PPP2R2B: variants seen among roughly 807,000 people sequenced by gnomAD.
PPP2R2B encodes the protein protein phosphatase 2 regulatory subunit Bbeta.
Under a neutral mutation model 46.0 loss-of-function variants are expected in PPP2R2B, and 5 were observed. The observed-to-expected ratio is 0.11, with a 90% CI of 0.06 to 0.23. The LOEUF is 0.23. Among genes scored for constraint, PPP2R2B ranks in the 10% least tolerant of loss-of-function variants. The probability of loss-of-function intolerance (pLI) is 1.00; values close to 1 mark genes in which losing one functional copy is unlikely to be tolerated. For synonymous variants in PPP2R2B, 215 were observed against 206.7 expected (o/e 1.04, Z -0.34); for missense variants, 367 against 575.0 (o/e 0.64, Z 3.70).
At chr5:146,928,077 G>A (rs781705642) in intron 1 of PPP2R2B, among the ~76,000 whole-genome samples, 4 of 152,038 alleles carry the variant, frequency 2.6e-5, no homozygotes, top group Non-Finnish European at 5.9e-5. Context: ...ATAATTCATC[G>A]CACTATCTGC....
chr5:146,684,976 T>G (rs1403138359), intron 5 of PPP2R2B, among the ~76,000 whole-genome samples: 2 of 152,206 alleles, frequency 1.3e-5, no homozygotes, highest in Non-Finnish European at 2.9e-5. Context: ...TGAATTCATT[T>G]TATGTTTCAG....
chr5:146,894,009 A>G (rs1561500962), intron 1 of PPP2R2B, among the ~76,000 whole-genome samples: 1 of 152,042 alleles, frequency 6.6e-6, no homozygotes, highest in Non-Finnish European at 1.5e-5. Context: ...TTGCGCTGCT[A>G]CACTCCAGCC....
chr5:147,054,770 C>T (rs1756994635), intron 1 of PPP2R2B: 3 of 446,334 alleles, frequency 6.7e-6, no homozygotes, highest in African/African-American at 2.0e-5. Flanking sequence ...CATCCTCAAC[C>T]CTTTTCAATC....
chr5:146,638,273 G>C lies in PPP2R2B; in HGVS notation c.768C>G (p.Ala256=). The C allele has an allele frequency of 6.2e-7, 1 of 1,613,910 alleles. No homozygotes were observed. The highest frequency in any genetic ancestry group is 1.1e-5 in the South Asian group (1 of 91,050). Residue 256 remains alanine, a synonymous_variant, in exon 7 of 10, where the codon GCC becomes GCG. Coordinates refer to ENST00000394411, the MANE Select transcript of PPP2R2B (RefSeq NM_181675.4). The part of the protein sequence containing the change: ...TIRLCDMRAS[A]LCDRHTKFFE... ...CACATTTGGTGTGCCTGTCACACAG[G>C]GCAGATGCCCGCATGTCACACAGCC...
intron 2 of PPP2R2B, among the ~76,000 whole-genome samples, chr5:146,834,037 A>G (rs1759124684): frequency 6.6e-6 from 1 of 152,170 alleles, no homozygotes; most frequent in Non-Finnish European, 1.5e-5. Context: ...TGCTTCTCCA[A>G]TTACATTAAA....
intron 7 of PPP2R2B, among the ~76,000 whole-genome samples, chr5:146,628,233 C>T (rs1024476057): frequency 1.3e-5 from 2 of 152,196 alleles, no homozygotes; most frequent in South Asian, 2.1e-4. Flanking sequence ...GTGTAAGCCA[C>T]TGCACCTGGC....
chr5:146,788,708 G>T (rs779427610), intron 2 of PPP2R2B, among the ~76,000 whole-genome samples: 14 of 152,190 alleles, frequency 9.2e-5, no homozygotes, highest in Non-Finnish European at 2.1e-4. Flanking sequence ...ATTTCAGCCT[G>T]GGTGACAGAG....
At chr5:146,879,103 A>G (rs1281203302), upstream of PPP2R2B, 1 of 201,780 alleles carries the variant, frequency 5.0e-6, no homozygotes, top group East Asian at 1.4e-4. Context: ...GATAGTCAGG[A>G]AGTCTACATC....
intron 8 of PPP2R2B, 130 bp downstream of exon 8, chr5:146,600,161 C>A: frequency 1.0e-6 from 1 of 955,170 alleles, no homozygotes; most frequent in Non-Finnish European, 1.6e-6. Flanking sequence ...TAGCCTGTAC[C>A]ATTTTACTGA....
chr5:146,839,275 C>A (rs969155210), intron 2 of PPP2R2B, among the ~76,000 whole-genome samples: 1 of 152,198 alleles, frequency 6.6e-6, no homozygotes, highest in African/African-American at 2.4e-5. Flanking sequence ...AACCCCAGCA[C>A]TTACGGAGGC....
chr5:146,923,914 G>T (rs181413596), intron 1 of PPP2R2B, among the ~76,000 whole-genome samples: 164 of 152,244 alleles, frequency 1.1e-3, no homozygotes, highest in African/African-American at 3.8e-3. Flanking sequence ...ATGGTAGTTT[G>T]TTCCTTTGCA....
At chr5:146,737,363 C>A (rs996672779) in intron 2 of PPP2R2B, among the ~76,000 whole-genome samples, 1 of 152,178 alleles carries the variant, frequency 6.6e-6, no homozygotes, top group Admixed American at 6.5e-5. Context: ...TCCAAGAAAA[C>A]ATCGTTGGCT....
chr5:147,030,528 T>C (rs1755731729), intron 1 of PPP2R2B, among the ~76,000 whole-genome samples: 1 of 152,188 alleles, frequency 6.6e-6, no homozygotes, highest in African/African-American at 2.4e-5. Context: ...TTAGTCCATT[T>C]ACAATTAATG....
intron 5 of PPP2R2B, among the ~76,000 whole-genome samples, chr5:146,680,424 T>C (rs542015387): frequency 1.1e-4 from 17 of 150,772 alleles, no homozygotes; most frequent in Admixed American, 3.3e-4. Context: ...AGGGATAGCA[T>C]TGGGAGATAT....
chr5:146,810,800 T>C (rs1408425673), intron 2 of PPP2R2B, among the ~76,000 whole-genome samples: 1 of 152,048 alleles, frequency 6.6e-6, no homozygotes, highest in Non-Finnish European at 1.5e-5. Context: ...TGTATACATG[T>C]GCCATGTTGG....
At chr5:146,959,628 G>A (rs907577739) in intron 1 of PPP2R2B, among the ~76,000 whole-genome samples, 4 of 152,148 alleles carry the variant, frequency 2.6e-5, no homozygotes, top group Non-Finnish European at 4.4e-5. Context: ...GAGACAGAGA[G>A]GACAATGGAA....
intron 1 of PPP2R2B, among the ~76,000 whole-genome samples, chr5:146,916,046 C>T (rs1306562207): frequency 6.6e-6 from 1 of 152,036 alleles, no homozygotes; most frequent in East Asian, 1.9e-4. Context: ...ACTAAAAGCT[C>T]CTTGAAGACA....
intron 7 of PPP2R2B, among the ~76,000 whole-genome samples, chr5:146,633,737 G>A (rs1774598283): frequency 6.6e-6 from 1 of 152,206 alleles, no homozygotes; most frequent in Non-Finnish European, 1.5e-5. Context: ...CTGGGGCTGT[G>A]TGGGGCTGAG....
At chr5:146,923,358 G>T (rs1274451235) in intron 1 of PPP2R2B, among the ~76,000 whole-genome samples, 1 of 152,212 alleles carries the variant, frequency 6.6e-6, no homozygotes, top group Non-Finnish European at 1.5e-5. Flanking sequence ...GAACTGGATT[G>T]CATGATGTAT....
Sources: gnomAD v4.1 joint callset for allele counts (sites outside exome capture counted in the v4.1 genomes callset) on GRCh38, gnomAD v4.1.1 for gene constraint, MANE v1.5 for transcripts, NCBI Gene and HGNC (gene_info 2026-07-23, HGNC 2026-07-21) for gene names.